Variants in ARHGEF4 observed in about 807,000 individuals in gnomAD.
ARHGEF4 encodes APC-stimulated guanine nucleotide exchange factor 1.
ARHGEF4 carries 119 observed loss-of-function variants against 162.0 expected under a neutral mutation model. The observed-to-expected ratio is 0.73, with a 90% CI of 0.63 to 0.86. The LOEUF (loss-of-function observed/expected upper bound fraction) is 0.86, where lower values mean the gene tolerates loss of function less well. Among genes scored for constraint, ARHGEF4 ranks in the 40% least tolerant of loss-of-function variants. ARHGEF4 has a pLI of 0.00. For missense variants in ARHGEF4, 2,488 were observed against 2,456.0 expected, an observed-to-expected ratio of 1.01 and a Z score of -0.28; for synonymous variants, 1,014 against 979.9, an observed-to-expected ratio of 1.03 and a Z score of -0.65.
Position 130,916,178 on chromosome 2 carries a change from C to T in ARHGEF4, c.2232C>T (p.Ser744=), listed in dbSNP as rs1461363654. 10 of 1,548,498 alleles carry T rather than the reference C, an allele frequency of 6.5e-6. No homozygotes were observed. Among genetic ancestry groups the T allele is most frequent in the Non-Finnish European group, 8.7e-6 (10 of 1,146,818 alleles). The change falls in exon 2 of 14, where the codon TCC becomes TCT. Residue 744 remains serine (S), a synonymous_variant. Transcript: ENST00000409359. ...GACTGCGTGGGGAGAGCCGGAGCTC[C>T]GGGTCAGGGGAGCGTGGCCCGGAGG... is the stretch of plus-strand genomic sequence containing the variant. ...GERLRGESRS[S]GSGERGPEEA...
At chr2:130,897,557 G>A (rs1680235427) in intron 1 of ARHGEF4, among the ~76,000 whole-genome samples, 1 of 152,246 alleles carries the variant, frequency 6.6e-6, no homozygotes, top group Admixed American at 6.5e-5. Flanking sequence ...GGCAGAAGGC[G>A]TGGGTTTGAG....
chr2:130,846,681 G>A (rs185806928), intron 1 of ARHGEF4, among the ~76,000 whole-genome samples: 1 of 152,278 alleles, frequency 6.6e-6, no homozygotes, highest in African/African-American at 2.4e-5. Context: ...TAGGGTCAGG[G>A]GTCTTTCTTT....
At position 130,901,286 on chromosome 2, in the gene ARHGEF4, G is replaced by A. The variant is rs146326283; in HGVS notation, c.40-12700G>A. Among the ~76,000 whole-genome samples the A allele has an allele frequency of 1.4e-4, 22 of 152,266 alleles. No homozygotes were observed. The East Asian group carries it at 4.1e-3, about 28-fold the overall frequency. On this transcript the variant is annotated intron_variant, in intron 1 of 13. Transcript: ENST00000409359. ...CATAGCCTGAGCCTGGCAGGTGGGCGTTGGCTTGCCTGAGTTGTACTCTGA... is the reference window on the plus strand; with the variant it reads ...CATAGCCTGAGCCTGGCAGGTGGGCATTGGCTTGCCTGAGTTGTACTCTGA...
At chr2:130,926,809 G>GTTTTTTT (rs1559044315) in intron 2 of ARHGEF4, among the ~76,000 whole-genome samples, 11 of 13,824 alleles carry the variant, frequency 8.0e-4, no homozygotes, top group Non-Finnish European at 2.2e-3. Flanking sequence ...ACTTCTGGCT[G>GTTTTTTT]ATTTTTTTTT....
intron 4 of ARHGEF4, among the ~76,000 whole-genome samples, chr2:130,980,773 T>G (rs1287124677): frequency 1.3e-5 from 2 of 152,198 alleles, no homozygotes; most frequent in African/African-American, 4.8e-5. Flanking sequence ...CACCAGGAAG[T>G]CTCACCTTTT....
At chr2:131,016,299 A>G (rs1688773927) in intron 4 of ARHGEF4, among the ~76,000 whole-genome samples, 1 of 152,098 alleles carries the variant, frequency 6.6e-6, no homozygotes, top group South Asian at 2.1e-4. Context: ...CATCACCTTC[A>G]CATTGCATCC....
chr2:130,873,745 G>T (rs1219727083), intron 1 of ARHGEF4, among the ~76,000 whole-genome samples: 1 of 152,100 alleles, frequency 6.6e-6, no homozygotes, highest in South Asian at 2.1e-4. Context: ...TGATCCTGGG[G>T]CTAGGTGGGT....
At position 130,916,175 on chromosome 2, in the gene ARHGEF4, C is replaced by T; in HGVS notation, c.2229C>T (p.Ser743=). 1.3e-6 allele frequency: 2 copies of T among 1,548,618 alleles called. No individual in the cohort carries two copies. The highest frequency in any genetic ancestry group is 2.4e-5 in the South Asian group (2 of 83,990). ...PGERLRGESR[S]SGSGERGPEE... ...AGAGACTGCGTGGGGAGAGCCGGAG[C>T]TCCGGGTCAGGGGAGCGTGGCCCGG... Residue 743 remains serine, a synonymous_variant, in exon 2 of 14, where the codon AGC becomes AGT. Coordinates refer to ENST00000409359, the MANE Select transcript of ARHGEF4 (RefSeq NM_001367493.1).
At chr2:130,996,292 T>C (rs1176644303) in intron 4 of ARHGEF4, among the ~76,000 whole-genome samples, 2 of 152,222 alleles carry the variant, frequency 1.3e-5, no homozygotes, top group Non-Finnish European at 2.9e-5. Context: ...GCCCGTTCCC[T>C]CTGTGTCCTA....
At chr2:130,981,023 G>T (rs75463699) in intron 4 of ARHGEF4, among the ~76,000 whole-genome samples, 1,708 of 152,142 alleles carry the variant, frequency 0.011, 31 homozygotes, top group African/African-American at 0.04. Flanking sequence ...ACCTACTTTT[G>T]CCAAATTACA....
intron 2 of ARHGEF4, among the ~76,000 whole-genome samples, chr2:130,922,002 T>G (rs1216177881): frequency 1.3e-5 from 2 of 151,980 alleles, no homozygotes; most frequent in African/African-American, 4.8e-5. Context: ...TAAGGAACTT[T>G]TTATGTGCTT....
Position 130,917,238 on chromosome 2 carries a change from AG to A in ARHGEF4, c.3294del (p.Arg1098SerfsTer55). ...CACGAGCCCCAAGCCCCTGAGTCCC[AG>A]GCCTAGTGCTCAGCGGATGGGTCTC... ...RPTSPKPLSP[R>X]PSAQRMGLHY... On this transcript the variant is annotated frameshift_variant, in exon 2 of 14. Transcript: ENST00000409359. LOFTEE classifies it high-confidence loss of function. The A allele has an allele frequency of 6.4e-7, 1 of 1,550,514 alleles. No homozygotes were observed. The highest frequency in any genetic ancestry group is 8.7e-7 in the Non-Finnish European group (1 of 1,146,972).
intron 5 of ARHGEF4, among the ~76,000 whole-genome samples, chr2:131,031,121 A>G (rs1245192923): frequency 6.6e-6 from 1 of 152,140 alleles, no homozygotes. Context: ...GCCCTTTCTT[A>G]TCTTTTTGAG....
At chr2:130,890,771 A>T (rs543801163) in intron 1 of ARHGEF4, among the ~76,000 whole-genome samples, 1 of 151,984 alleles carries the variant, frequency 6.6e-6, no homozygotes, top group Non-Finnish European at 1.5e-5. Context: ...TTCCCTATAG[A>T]TACTTAAGCT....
At chr2:130,839,623 C>T (rs899609337) in intron 1 of ARHGEF4, among the ~76,000 whole-genome samples, 5 of 152,156 alleles carry the variant, frequency 3.3e-5, no homozygotes, top group Non-Finnish European at 7.3e-5. Flanking sequence ...GCCAGGGGCC[C>T]ACACAGGTGC....
chr2:130,938,328 C>T (rs553894249), intron 3 of ARHGEF4, among the ~76,000 whole-genome samples: 1 of 152,236 alleles, frequency 6.6e-6, no homozygotes, highest in South Asian at 2.1e-4. Context: ...TTCTTATCAG[C>T]ATTTGTTTTT....
At chr2:130,930,742 CA>C (rs1464489391) in intron 2 of ARHGEF4, among the ~76,000 whole-genome samples, 1 of 152,168 alleles carries the variant, frequency 6.6e-6, no homozygotes, top group Non-Finnish European at 1.5e-5. Context: ...TGAAAGTAGA[CA>C]TTTTAACAGA....
At chr2:130,912,099 C>T (rs1056175396) in intron 1 of ARHGEF4, among the ~76,000 whole-genome samples, 2 of 152,242 alleles carry the variant, frequency 1.3e-5, no homozygotes, top group Admixed American at 6.5e-5. Flanking sequence ...GCACCCTGCC[C>T]GGCCTTAGCA....
intron 1 of ARHGEF4, among the ~76,000 whole-genome samples, chr2:130,887,396 G>A (rs1278667385): frequency 6.6e-6 from 1 of 151,976 alleles, no homozygotes; most frequent in South Asian, 2.1e-4. Context: ...GATATGAGGA[G>A]AACTGGCACT....
Sources: gnomAD v4.1 joint callset for allele counts (sites outside exome capture counted in the v4.1 genomes callset) on GRCh38, gnomAD v4.1.1 for gene constraint, MANE v1.5 for transcripts, NCBI Gene and HGNC (gene_info 2026-07-23, HGNC 2026-07-21) for gene names.